The following SIDT1 variants were observed in gnomAD, a reference collection of about 807,000 sequenced individuals.
The protein encoded by SIDT1 is SID1 transmembrane family, member 1.
Under a neutral mutation model 107.5 loss-of-function variants are expected in SIDT1, and 101 were observed. That is an observed-to-expected ratio of 0.94 (90% CI 0.80 to 1.11). The LOEUF is 1.11. SIDT1 is among the 50% of genes least tolerant of loss of function. The pLI is 0.00. For synonymous variants in SIDT1, 395 were observed against 398.2 expected (o/e 0.99, Z 0.10); for missense variants, 1,076 against 1,058.2 (o/e 1.02, Z -0.23).
Position 113,601,716 on chromosome 3 carries a change from T to C in SIDT1, c.1117+57T>C, listed in dbSNP as rs541854156. 63 of 1,233,250 alleles carry C rather than the reference T, an allele frequency of 5.1e-5. No individual in the cohort carries two copies. In the African/African-American group the frequency reaches 8.3e-4, roughly 16 times the overall value. 76.4% of individuals were successfully genotyped at this position (1,233,250 alleles called of 1,614,324 possible). A position where few individuals can be genotyped will look rare whatever the true frequency, so the allele number is the denominator to read the frequency against. On this transcript the variant is annotated intron_variant, in intron 11 of 24. Transcript: ENST00000264852. ...TTTCCTAATTCTGCAGAGAATATGA[T>C]AGAAAGGCATTCCAGCCACTAATAA...
chr3:113,536,125 C>T (rs1311479422), intron 1 of SIDT1, among the ~76,000 whole-genome samples: 4 of 152,206 alleles, frequency 2.6e-5, no homozygotes, highest in African/African-American at 7.2e-5. Flanking sequence ...AAGATAGCGA[C>T]GCTCTCTTTC....
intron 10 of SIDT1, among the ~76,000 whole-genome samples, chr3:113,595,999 G>A (rs1944519640): frequency 6.6e-6 from 1 of 152,158 alleles, no homozygotes; most frequent in Non-Finnish European, 1.5e-5. Flanking sequence ...GACATTCAGG[G>A]AAGAAACAAG....
At chr3:113,610,955 C>T (rs1326742694) in intron 17 of SIDT1, 53 bp from the exon 18 acceptor site, 3 of 1,575,628 alleles carry the variant, frequency 1.9e-6, no homozygotes, top group Non-Finnish European at 2.6e-6. Context: ...AAAATATCAT[C>T]TGTCTGTCAC....
At chr3:113,569,013 G>A (rs530655712) in intron 3 of SIDT1, among the ~76,000 whole-genome samples, 5 of 151,680 alleles carry the variant, frequency 3.3e-5, no homozygotes, top group Non-Finnish European at 7.4e-5. Context: ...GGTGGCAGGC[G>A]CCTGTTGTCC....
chr3:113,580,980 C>T (rs1201938918), intron 5 of SIDT1, among the ~76,000 whole-genome samples: 1 of 152,128 alleles, frequency 6.6e-6, no homozygotes, highest in Non-Finnish European at 1.5e-5. Flanking sequence ...TAACAAGGAA[C>T]CAGGAAGACC....
intron 1 of SIDT1, among the ~76,000 whole-genome samples, chr3:113,552,743 T>C (rs1025071797): frequency 1.3e-5 from 2 of 152,110 alleles, no homozygotes; most frequent in Non-Finnish European, 2.9e-5. Flanking sequence ...AACTCTCCCT[T>C]CATTTTTGTG....
At chr3:113,568,357 A>G (rs1238672320) in intron 3 of SIDT1, among the ~76,000 whole-genome samples, 1 of 152,104 alleles carries the variant, frequency 6.6e-6, no homozygotes, top group African/African-American at 2.4e-5. Flanking sequence ...GCACTTTGGG[A>G]GGCCGAGGAG....
chr3:113,541,200 C>T (rs1289619106), intron 1 of SIDT1, among the ~76,000 whole-genome samples: 6 of 151,984 alleles, frequency 3.9e-5, no homozygotes, highest in African/African-American at 1.4e-4. Context: ...GATGACATTT[C>T]TCTCTGTCAC....
intron 7 of SIDT1, 25 bp downstream of exon 7, chr3:113,583,521 G>A (rs776723668): frequency 1.3e-6 from 2 of 1,520,468 alleles, no homozygotes; most frequent in South Asian, 1.2e-5. Context: ...GGAACACTTG[G>A]CTGCTTAGCA....
intron 1 of SIDT1, among the ~76,000 whole-genome samples, chr3:113,544,452 A>C (rs1225609885): frequency 2.0e-5 from 3 of 152,154 alleles, no homozygotes; most frequent in Admixed American, 2.0e-4. Context: ...GGCCTCCCAA[A>C]GTGCTGGGAT....
chr3:113,614,914 C>A, intron 19 of SIDT1: 2 of 742,806 alleles, frequency 2.7e-6, no homozygotes, highest in Non-Finnish European at 2.2e-6. Flanking sequence ...TTCTCTTTGA[C>A]AAGTAAGCAT....
chr3:113,574,976 A>ATT (rs1942786636), intron 3 of SIDT1, among the ~76,000 whole-genome samples: 1 of 152,168 alleles, frequency 6.6e-6, no homozygotes, highest in East Asian at 1.9e-4. Context: ...GAAGCAGAAT[A>ATT]TTTCATCTGC....
intron 1 of SIDT1, 111 bp from the exon 2 acceptor site, chr3:113,566,309 G>T (rs565691067): frequency 1.8e-6 from 2 of 1,082,920 alleles, no homozygotes; most frequent in African/African-American, 3.2e-5. Flanking sequence ...GCCTCACATG[G>T]CAACTATGGT....
At chr3:113,554,142 G>A (rs913637521) in intron 1 of SIDT1, among the ~76,000 whole-genome samples, 1 of 152,202 alleles carries the variant, frequency 6.6e-6, no homozygotes, top group African/African-American at 2.4e-5. Flanking sequence ...AAGTAGCCCA[G>A]AATTGGTTAG....
chr3:113,533,947 A>G (rs911046633), intron 1 of SIDT1, among the ~76,000 whole-genome samples: 2 of 152,232 alleles, frequency 1.3e-5, no homozygotes, highest in Non-Finnish European at 2.9e-5. Context: ...ATAAGGAGGG[A>G]AAAATGTTCC....
At chr3:113,597,493 CTCAA>C (rs1442082167) in intron 10 of SIDT1, among the ~76,000 whole-genome samples, 4 of 62,466 alleles carry the variant, frequency 6.4e-5, no homozygotes, top group Non-Finnish European at 1.3e-4. Context: ...GAGACTCCAT[CTCAA>C]AAAAAAAAAA....
At chr3:113,618,495 C>T (rs1028573069) in intron 20 of SIDT1, among the ~76,000 whole-genome samples, 21 of 152,306 alleles carry the variant, frequency 1.4e-4, no homozygotes, top group African/African-American at 4.3e-4. Flanking sequence ...TTGTAAGAAA[C>T]GCGAAACTGT....
chr3:113,559,462 CA>C (rs1941219399), intron 1 of SIDT1, among the ~76,000 whole-genome samples: 1 of 148,390 alleles, frequency 6.7e-6, no homozygotes, highest in Non-Finnish European at 1.5e-5. Context: ...TTTTTTGAGA[CA>C]GGGTTTTCAC....
At position 113,585,206 on chromosome 3, in the gene SIDT1, AG is replaced by A. The variant is rs774248109; in HGVS notation, c.938del (p.Ser313MetfsTer21). On this transcript the variant is annotated frameshift_variant, in exon 9 of 25. Coordinates refer to ENST00000264852, the MANE Select transcript of SIDT1 (RefSeq NM_017699.3). LOFTEE classifies it high-confidence loss of function. ...ESVYVKSSLF[S>X]VFIFLSFYLG... ...TGTTTATGTGAAATCCAGTCTTTTCAGTGTCTTCATCTTCCTGTCCTTCTAC... is the reference window on the plus strand; with the variant it reads ...TGTTTATGTGAAATCCAGTCTTTTCATGTCTTCATCTTCCTGTCCTTCTAC... The A allele has an allele frequency of 2.5e-6, 4 of 1,613,408 alleles. No homozygotes were observed. The African/African-American group carries it at 4.0e-5, about 16-fold the overall frequency.
Sources: allele counts gnomAD v4.1 joint callset (sites outside exome capture counted in the v4.1 genomes callset), GRCh38; gene constraint gnomAD v4.1.1; transcripts MANE v1.5; gene names NCBI Gene and HGNC (gene_info 2026-07-23, HGNC 2026-07-21).